NUP85: variants seen among roughly 807,000 people sequenced by gnomAD.
NUP85 encodes nuclear pore complex protein Nup85.
NUP85 carries 23 observed loss-of-function variants against 92.8 expected under a neutral mutation model. The observed-to-expected ratio is 0.25, with a 90% confidence interval of 0.18 to 0.35. The LOEUF (loss-of-function observed/expected upper bound fraction) is 0.35, where lower values mean the gene tolerates loss of function less well. Ranked by LOEUF, NUP85 falls within the 10% of genes least tolerant of loss-of-function variation. The probability of loss-of-function intolerance (pLI) is 1.00; values close to 1 mark genes in which losing one functional copy is unlikely to be tolerated. For missense variants in NUP85, 759 were observed against 822.8 expected, an observed-to-expected ratio of 0.92 and a Z score of 0.95; for synonymous variants, 314 against 306.9, an observed-to-expected ratio of 1.02 and a Z score of -0.24.
intron 16 of NUP85, 42 bp downstream of exon 16, chr17:75,233,200 G>C (rs2076145378): frequency 1.3e-6 from 2 of 1,543,772 alleles, no homozygotes; most frequent in African/African-American, 2.7e-5. Flanking sequence ...GGGCACAAGT[G>C]GGTAGTTGGG....
chr17:75,218,161 T>C, intron 6 of NUP85, 24 bp from the exon 7 acceptor site: 3 of 1,613,562 alleles, frequency 1.9e-6, no homozygotes, highest in Non-Finnish European at 2.5e-6. Context: ...GGCTTTTGTG[T>C]GTGATGAGAG....
chr17:75,233,385 TTCTTTC>T (rs10567128), intron 16 of NUP85, among the ~76,000 whole-genome samples: 88,093 of 132,006 alleles, frequency 0.67, 31,620 homozygotes, highest in East Asian at 0.85. Context: ...CTTTCTCTCT[TTCTTTC>T]TCTTTCTCTT....
At position 75,226,039 on chromosome 17, in the gene NUP85, A is replaced by T; in HGVS notation, c.988-12A>T. On this transcript the variant is annotated splice_polypyrimidine_tract_variant and intron_variant, in intron 10 of 18. Transcript: ENST00000245544. ...CGTCCTCAGGATTGAGTGTCTCATC[A>T]CCTTTCCACAGTCCAGCCTGGACCT... 1.2e-6 allele frequency: 2 copies of T among 1,613,416 alleles called. No individual in the cohort carries two copies. Among genetic ancestry groups the T allele is most frequent in the Non-Finnish European group, 1.7e-6 (2 of 1,179,600 alleles).
intron 7 of NUP85, among the ~76,000 whole-genome samples, chr17:75,224,603 C>T (rs1433641241): frequency 6.6e-6 from 1 of 151,898 alleles, no homozygotes; most frequent in Non-Finnish European, 1.5e-5. Flanking sequence ...GAGGCCGAGG[C>T]GGGGAATCAC....
At chr17:75,223,382 TTTATG>T (rs138898533) in intron 7 of NUP85, among the ~76,000 whole-genome samples, 2,884 of 152,126 alleles carry the variant, frequency 0.019, 88 homozygotes, top group African/African-American at 0.065. Context: ...GAGTGTATAT[TTTATG>T]TTATGTTATG....
rs2076058751 is a variant in NUP85, at chr17:75,231,547, T to A, written c.1179-26T>A. 6.2e-7 allele frequency: 1 copy of A among 1,613,808 alleles called. No homozygotes were observed. Among genetic ancestry groups the A allele is most frequent in the Admixed American group, 1.7e-5 (1 of 60,000 alleles). On this transcript the variant is annotated intron_variant, in intron 12 of 18. Coordinates refer to ENST00000245544, the MANE Select transcript of NUP85 (RefSeq NM_024844.5). The surrounding 1 kb of genome is among the most constrained non-coding windows in gnomAD (Gnocchi z 4.6). ...CCTGAACAGGGCAGGCCAGGAGTCTTGGTCTTTTGTTATGTTTTATTCCAG... is the reference window on the plus strand; with the variant it reads ...CCTGAACAGGGCAGGCCAGGAGTCTAGGTCTTTTGTTATGTTTTATTCCAG...
At chr17:75,228,978 T>TCTTCCCTC (rs2075935300) in intron 11 of NUP85, 1 of 985,472 alleles carries the variant, frequency 1.0e-6, no homozygotes, top group Non-Finnish European at 1.2e-6. Context: ...CAGGGTCCCT[T>TCTTCCCTC]CTTCCCTCCT....
chr17:75,208,707 T>A, intron 2 of NUP85, 87 bp downstream of exon 2: 1 of 767,938 alleles, frequency 1.3e-6, no homozygotes, highest in Non-Finnish European at 2.3e-6. Flanking sequence ...AGTTGTGGAC[T>A]GAAACAGTTG....
rs888264055 is a variant in NUP85, at chr17:75,231,899, T to C, written c.1316T>C (p.Ile439Thr). 1.9e-6 allele frequency: 3 copies of C among 1,614,138 alleles called. 1 individual carries two copies. The highest frequency in any genetic ancestry group is 2.2e-5 in the South Asian group (2 of 91,082). Residue 439 changes from isoleucine to threonine, a missense_variant, in exon 14 of 19, where the codon ATT (isoleucine) becomes ACT (threonine). Coordinates refer to ENST00000245544, the MANE Select transcript of NUP85 (RefSeq NM_024844.5). This position sits in a 1 kb window ranked among gnomAD's most constrained non-coding sequence, Gnocchi z 4.6. ...ELGRVSLELH[I>T]ERIPLNTEQK... ...GGCCGAGTCTCCCTGGAGCTGCACA[T>C]TGAGCGGATACCTCTGAACACCGAG...
chr17:75,225,251 G>T lies in NUP85; in HGVS notation c.732+14G>T. 6.2e-7 allele frequency: 1 copy of T among 1,605,208 alleles called. No homozygotes were observed. On this transcript the variant is annotated intron_variant, in intron 8 of 18. Transcript: ENST00000245544. The stretch of plus-strand genomic sequence containing the variant: ...CCCATTCTTAGTGTACGTGGGGGTA[G>T]CTTTGCTCTGCTGGGTCACAGGAGA...
intron 2 of NUP85, among the ~76,000 whole-genome samples, chr17:75,209,204 G>T (rs915278700): frequency 2.0e-5 from 3 of 151,990 alleles, no homozygotes; most frequent in Non-Finnish European, 4.4e-5. Context: ...GCAGATGCTT[G>T]GCCGTCACTT....
Position 75,233,240 on chromosome 17 carries a change from C to A in NUP85, c.1615+82C>A. ...TTGGAGGGATCACGTCAGACTTCTCCCAGCGCTTCCTTCATGTATTCCCAT... is the reference window on the plus strand; with the variant it reads ...TTGGAGGGATCACGTCAGACTTCTCACAGCGCTTCCTTCATGTATTCCCAT... On this transcript the variant is annotated intron_variant, in intron 16 of 18. Coordinates refer to ENST00000245544, the MANE Select transcript of NUP85 (RefSeq NM_024844.5). 3.7e-6 allele frequency: 4 copies of A among 1,068,768 alleles called. No homozygotes were observed. In the South Asian group the frequency reaches 3.9e-5, roughly 11 times the overall value. 66.2% of individuals were successfully genotyped at this position (1,068,768 alleles called of 1,614,324 possible). A position where few individuals can be genotyped will look rare whatever the true frequency, so the allele number is the denominator to read the frequency against.
intron 3 of NUP85, among the ~76,000 whole-genome samples, chr17:75,210,508 G>T (rs554782080): frequency 6.6e-5 from 10 of 152,276 alleles, no homozygotes; most frequent in African/African-American, 2.2e-4. Flanking sequence ...TCCGTGGTTG[G>T]ATCTTAAAAT....
chr17:75,218,588 G>GTTTTCT (rs2075500858), intron 7 of NUP85, among the ~76,000 whole-genome samples: 1 of 82,840 alleles, frequency 1.2e-5, no homozygotes, highest in African/African-American at 4.7e-5. Context: ...ATACAAAACC[G>GTTTTCT]TTTTTTTTTT....
rs751052920 is a variant in NUP85, at chr17:75,209,798, AT to A, written c.128-15del. The A allele has an allele frequency of 2.7e-4, 395 of 1,476,968 alleles. 1 individual carries two copies. In the African/African-American group the frequency reaches 2.9e-3, roughly 11 times the overall value. 91.5% of individuals were successfully genotyped at this position (1,476,968 alleles called of 1,614,324 possible). On this transcript the variant is annotated intron_variant, in intron 2 of 18. Coordinates refer to ENST00000245544, the MANE Select transcript of NUP85 (RefSeq NM_024844.5). Reference sequence around the variant, plus strand: ...TGGAGATGATCATAATAGATGTTAAATTTTTTTTTTCTGTTTGGTTTCAGAA... The same window carrying A: ...TGGAGATGATCATAATAGATGTTAAATTTTTTTTTCTGTTTGGTTTCAGAA...
chr17:75,233,437 C>T (rs12945430), intron 16 of NUP85, among the ~76,000 whole-genome samples: 3,916 of 111,992 alleles, frequency 0.035, 1 homozygote, highest in East Asian at 0.041. Context: ...TTTATTTTTT[C>T]TTTTTTTTTT....
In NUP85 at chr17:75,234,777, GAACAGA is replaced by G. The variant is rs767861181; in HGVS notation, c.1762_1767del (p.Lys588_Gln589del). ...GCTGACAGACGCCTTGCCCCTTTTG[GAACAGA>G]AACAGGTGAAGGTTGCAGCAGCAGT... On this transcript the variant is annotated inframe_deletion, in exon 17 of 19. Coordinates refer to ENST00000245544, the MANE Select transcript of NUP85 (RefSeq NM_024844.5). 6.2e-7 allele frequency: 1 copy of G among 1,614,132 alleles called. No individual in the cohort carries two copies. Among genetic ancestry groups the G allele is most frequent in the South Asian group, 1.1e-5 (1 of 91,070 alleles).
intron 5 of NUP85, among the ~76,000 whole-genome samples, chr17:75,214,641 T>C (rs1204987616): frequency 2.0e-5 from 3 of 148,576 alleles, no homozygotes; most frequent in Non-Finnish European, 4.5e-5. Flanking sequence ...GGTGGATCTC[T>C]TGAGGTTAGG....
At chr17:75,215,664 C>T in intron 5 of NUP85, 90 bp from the exon 6 acceptor site, 2 of 1,158,934 alleles carry the variant, frequency 1.7e-6, no homozygotes, top group Non-Finnish European at 1.3e-6. Flanking sequence ...GAATGACTGT[C>T]ATATGAGTCA....
Sources: gnomAD v4.1 joint callset for allele counts (sites outside exome capture counted in the v4.1 genomes callset) on GRCh38, gnomAD v4.1.1 for gene constraint, Gnocchi (gnomAD v3.1) non-coding constraint, MANE v1.5 for transcripts, NCBI Gene and HGNC (gene_info 2026-07-23, HGNC 2026-07-21) for gene names.